ERN1: variants seen among roughly 807,000 people sequenced by gnomAD.
The protein encoded by ERN1 is endoplasmic reticulum to nucleus signaling 1, also known as serine/threonine-protein kinase/endoribonuclease IRE1.
A neutral mutation model predicts 113.1 loss-of-function variants in ERN1; 39 were observed. The ratio of observed to expected loss-of-function variants is 0.34; its 90% confidence interval spans 0.27 to 0.45. The LOEUF is 0.45. ERN1 is among the 20% of genes least tolerant of loss of function. The pLI, the probability that ERN1 is intolerant of heterozygous loss-of-function variation, is 1.00. For missense variants in ERN1, 976 were observed against 1,274.8 expected, an observed-to-expected ratio of 0.77 and a Z score of 3.57; for synonymous variants, 507 against 515.9, an observed-to-expected ratio of 0.98 and a Z score of 0.23.
At chr17:64,109,387 C>A (rs1647907707) in intron 1 of ERN1, among the ~76,000 whole-genome samples, 1 of 152,128 alleles carries the variant, frequency 6.6e-6, no homozygotes, top group Admixed American at 6.5e-5. Context: ...CCTACACTGG[C>A]CAGATGTTGC....
chr17:64,115,587 C>T (rs1914783442), intron 1 of ERN1, among the ~76,000 whole-genome samples: 1 of 152,242 alleles, frequency 6.6e-6, no homozygotes. Context: ...TGTCTTCTCA[C>T]TCCTTGCCCT....
intron 7 of ERN1, 161 bp from the exon 8 acceptor site, chr17:64,067,093 G>T: frequency 2.7e-6 from 2 of 742,988 alleles, no homozygotes; most frequent in Non-Finnish European, 4.3e-6. Context: ...CAATGAACTC[G>T]CTTAGTCTCT....
In ERN1 at chr17:64,044,682, G is replaced by A. The variant is rs1912457234; in HGVS notation, c.2721+178C>T. 6.6e-6 allele frequency among the ~76,000 whole-genome samples: 1 copy of A among 152,240 alleles called. No individual in the cohort carries two copies. Among genetic ancestry groups the A allele is most frequent in the African/African-American group, 2.4e-5 (1 of 41,470 alleles). On this transcript the variant is annotated intron_variant, in intron 21 of 21. Coordinates refer to ENST00000433197, the MANE Select transcript of ERN1 (RefSeq NM_001433.5). The surrounding 1 kb of genome is among the most constrained non-coding windows in gnomAD (Gnocchi z 4.1). ...TCACCTGCACCTACGTCCCTGAAGG[G>A]AAAATCAGCGTAAGAGAGGCAACAG...
rs1912725178 is a variant in ERN1 at position 64,052,765 on chromosome 17, T to C, written c.2253+15A>G. 1 of 1,609,032 alleles carries C rather than the reference T, an allele frequency of 6.2e-7. No homozygotes were observed. ...TGGTTCTGTAGTTTTCAAAGGGCCA[T>C]AGCCTATTACTCACAGGGTTCTCCT... On this transcript the variant is annotated intron_variant, in intron 17 of 21. Transcript: ENST00000433197.
chr17:64,108,641 C>T (rs754305407), intron 1 of ERN1, among the ~76,000 whole-genome samples: 4 of 152,154 alleles, frequency 2.6e-5, no homozygotes, highest in East Asian at 1.9e-4. Context: ...AGGGAAACAG[C>T]ATCAACTGAT....
chr17:64,075,230 G>A lies in ERN1; in HGVS notation c.300C>T (p.Ile100=), dbSNP rs1260282100. 2 of 1,442,974 alleles carry A rather than the reference G, an allele frequency of 1.4e-6. No individual in the cohort carries two copies. Among genetic ancestry groups the A allele is most frequent in the Non-Finnish European group, 1.8e-6 (2 of 1,088,306 alleles). The allele number at this position is 1,442,974 out of a possible 1,614,324, so 89.4% of individuals were successfully genotyped here. A position where few individuals can be genotyped will look rare whatever the true frequency, so the allele number is the denominator to read the frequency against. The change falls in exon 5 of 22, where the codon ATC becomes ATT. Residue 100 remains isoleucine, a synonymous_variant. Coordinates refer to ENST00000433197, the MANE Select transcript of ERN1 (RefSeq NM_001433.5). The part of the protein sequence containing the change: ...NEGLTKLPFT[I]PELVQASPCR... ...ATGGGGATGCCTGCACCAATTCTGG[G>A]ATGGTAAAAGGAAGTTTCTTTAAAA...
chr17:64,129,149 G>A (rs1279483973), intron 1 of ERN1: 1 of 151,632 alleles, frequency 6.6e-6, no homozygotes, highest in East Asian at 1.9e-4. Flanking sequence ...CAAATCCACA[G>A]CTGAGTGAAG....
chr17:64,127,236 A>G (rs1174576582), intron 1 of ERN1, among the ~76,000 whole-genome samples: 1 of 152,256 alleles, frequency 6.6e-6, no homozygotes, highest in Non-Finnish European at 1.5e-5. Context: ...AAATCACAGT[A>G]TTGCCTCCAA....
At chr17:64,071,870 CTG>C in intron 6 of ERN1, 109 bp downstream of exon 6, 2 of 1,142,490 alleles carry the variant, frequency 1.8e-6, no homozygotes, top group Admixed American at 2.2e-5. Context: ...ATGATGGGAC[CTG>C]TGTTTGGAAA....
intron 12 of ERN1, among the ~76,000 whole-genome samples, chr17:64,056,519 T>A (rs1014650998): frequency 2.0e-5 from 3 of 152,208 alleles, no homozygotes; most frequent in African/African-American, 7.2e-5. Flanking sequence ...TGAGCCTGGC[T>A]GAGGTCCTGC....
chr17:64,072,568 T>G (rs1198617735), intron 5 of ERN1, among the ~76,000 whole-genome samples: 1 of 152,258 alleles, frequency 6.6e-6, no homozygotes, highest in Non-Finnish European at 1.5e-5. Context: ...CCACAGTTAC[T>G]GTTTATGACT....
At chr17:64,097,669 T>A (rs1051481212) in intron 2 of ERN1, among the ~76,000 whole-genome samples, 3 of 152,302 alleles carry the variant, frequency 2.0e-5, no homozygotes, top group Admixed American at 2.0e-4. Flanking sequence ...AATAAAGTGG[T>A]TAACTTGGAT....
Position 64,043,952 on chromosome 17 carries a change from C to T in ERN1, c.*36G>A. On this transcript the variant is annotated 3_prime_UTR_variant, in exon 22 of 22. Transcript: ENST00000433197. Reference sequence around the variant, plus strand: ...ATTGTGGTGACCAGGCCCTCAGTCACAGCTGGGGCCACCAGAACAGAGGGG... The same window carrying T: ...ATTGTGGTGACCAGGCCCTCAGTCATAGCTGGGGCCACCAGAACAGAGGGG... The T allele has an allele frequency of 2.1e-6, 3 of 1,437,310 alleles. No individual in the cohort carries two copies. Among genetic ancestry groups the T allele is most frequent in the African/African-American group, 1.4e-5 (1 of 71,012 alleles). The allele number at this position is 1,437,310 out of a possible 1,614,324, so 89.0% of individuals were successfully genotyped here. A position where few individuals can be genotyped will look rare whatever the true frequency, so the allele number is the denominator to read the frequency against.
chr17:64,098,523 G>C (rs746492302), intron 1 of ERN1: 2 of 626,964 alleles, frequency 3.2e-6, no homozygotes, highest in South Asian at 2.8e-5. Context: ...TGAAACAGAG[G>C]GGCAAAGTAT....
intron 1 of ERN1, among the ~76,000 whole-genome samples, chr17:64,119,376 G>GTTTTTTTT (rs3044073): frequency 6.0e-4 from 47 of 77,904 alleles, no homozygotes; most frequent in Non-Finnish European, 9.3e-4. Flanking sequence ...TTTTTTCTAG[G>GTTTTTTTT]TTTTTTTTTT....
At chr17:64,072,249 T>C (rs1385697008) in intron 5 of ERN1, 146 bp from the exon 6 acceptor site, 2 of 816,330 alleles carry the variant, frequency 2.4e-6, no homozygotes, top group Non-Finnish European at 3.8e-6. Flanking sequence ...TAAATGGTAA[T>C]GCAGAGATAA....
Position 64,130,091 on chromosome 17 carries a change from G to A in ERN1, c.-62C>T. ...ACAGAGGACGGGGCGGGGGCGCCGC[G>A]ACGACAGCGAGGCGGTGACCGAGCC... On this transcript the variant is annotated 5_prime_UTR_variant, in exon 1 of 22. Coordinates refer to ENST00000433197, the MANE Select transcript of ERN1 (RefSeq NM_001433.5). This position sits in a 1 kb window ranked among gnomAD's most constrained non-coding sequence, Gnocchi z 4.0. 7.8e-7 allele frequency: 1 copy of A among 1,282,568 alleles called. No individual in the cohort carries two copies. The highest frequency in any genetic ancestry group is 9.9e-7 in the Non-Finnish European group (1 of 1,011,212). 79.4% of individuals were successfully genotyped at this position (1,282,568 alleles called of 1,614,324 possible).
intron 2 of ERN1, among the ~76,000 whole-genome samples, chr17:64,086,752 C>T (rs555952347): frequency 3.6e-5 from 5 of 137,148 alleles, no homozygotes; most frequent in African/African-American, 5.3e-5. Flanking sequence ...GTTCAAGTGA[C>T]TCTCCTGCCT....
chr17:64,071,862 G>T, intron 6 of ERN1, 119 bp downstream of exon 6: 1 of 1,058,592 alleles, frequency 9.4e-7, no homozygotes, highest in Non-Finnish European at 1.4e-6. Context: ...AAAATGACAT[G>T]ATGGGACCTG....
Sources: gnomAD v4.1 joint callset for allele counts (sites outside exome capture counted in the v4.1 genomes callset) on GRCh38, gnomAD v4.1.1 for gene constraint, Gnocchi (gnomAD v3.1) non-coding constraint, MANE v1.5 for transcripts, NCBI Gene and HGNC (gene_info 2026-07-23, HGNC 2026-07-21) for gene names.